Variants in TXNL1 observed in about 807,000 individuals in gnomAD.
TXNL1 encodes the protein thioredoxin like 1.
A neutral mutation model predicts 35.5 loss-of-function variants in TXNL1; 14 were observed. The ratio of observed to expected loss-of-function variants is 0.39; its 90% confidence interval spans 0.26 to 0.62. The LOEUF is 0.62. Among genes scored for constraint, TXNL1 ranks in the 20% least tolerant of loss-of-function variants. The pLI is 0.47. For synonymous variants in TXNL1, 110 were observed against 115.5 expected, an observed-to-expected ratio of 0.95 and a Z score of 0.31; for missense variants, 263 against 349.7, an observed-to-expected ratio of 0.75 and a Z score of 1.98.
chr18:56,604,595 T>A (rs1461114682), intron 7 of TXNL1: 1 of 152,180 alleles, frequency 6.6e-6, no homozygotes, highest in Admixed American at 6.5e-5. Context: ...TTTAGGTACA[T>A]AAAAATTAGG....
At chr18:56,616,165 A>G (rs1025927990) in intron 5 of TXNL1, 80 bp downstream of exon 5, 6 of 1,277,898 alleles carry the variant, frequency 4.7e-6, no homozygotes, top group South Asian at 1.4e-5. Context: ...AAGTACCTCT[A>G]TTTAATAAAA....
At position 56,600,965 on chromosome 18, in the gene TXNL1, C is replaced by CTATG. The variant is rs1195972846; in HGVS notation, c.*2058_*2061dup. 3 of 152,114 alleles carry CTATG rather than the reference C, an allele frequency of 2.0e-5. No individual in the cohort carries two copies. Among genetic ancestry groups the CTATG allele is most frequent in the African/African-American group, 7.2e-5 (3 of 41,440 alleles). The allele number at this position is 152,114 out of a possible 1,614,324, so 9.4% of individuals were successfully genotyped here. A position where few individuals can be genotyped will look rare whatever the true frequency, so the allele number is the denominator to read the frequency against. On this transcript the variant is annotated 3_prime_UTR_variant, in exon 8 of 8. Coordinates refer to ENST00000217515, the MANE Select transcript of TXNL1 (RefSeq NM_004786.3). ...ACAGAGATCATGAAATTCTTTTTTGCTATGTCCGACAAAATGAACAAGAAA... is the reference window on the plus strand; with the variant it reads ...ACAGAGATCATGAAATTCTTTTTTGCTATGTATGTCCGACAAAATGAACAAGAAA...
chr18:56,618,180 G>A (rs676951), intron 3 of TXNL1, 54 bp from the exon 4 acceptor site: 180,122 of 1,548,890 alleles, frequency 0.12, 11,557 homozygotes, highest in Non-Finnish European at 0.13. Context: ...GTATAAAAAT[G>A]TTTAAAAAAT....
chr18:56,620,200 A>C (rs1325802658), intron 3 of TXNL1, among the ~76,000 whole-genome samples: 1 of 152,086 alleles, frequency 6.6e-6, no homozygotes, highest in Non-Finnish European at 1.5e-5. Context: ...TCCTGGCCTC[A>C]AGTGATCTAC....
At chr18:56,616,367 A>G in intron 4 of TXNL1, 53 bp from the exon 5 acceptor site, 1 of 1,466,200 alleles carries the variant, frequency 6.8e-7, no homozygotes, top group Non-Finnish European at 9.4e-7. Flanking sequence ...CCTTGAGTAC[A>G]TAAACTACTG....
At chr18:56,619,460 C>A (rs548280127) in intron 3 of TXNL1, among the ~76,000 whole-genome samples, 1 of 146,572 alleles carries the variant, frequency 6.8e-6, no homozygotes, top group South Asian at 2.2e-4. Flanking sequence ...ACTTCTTGAA[C>A]CTGGGAGGCG....
At chr18:56,634,112 C>A (rs2024420273) in intron 1 of TXNL1, among the ~76,000 whole-genome samples, 1 of 151,626 alleles carries the variant, frequency 6.6e-6, no homozygotes, top group Non-Finnish European at 1.5e-5. Flanking sequence ...TGGTACTACT[C>A]ATAACCACTA....
At chr18:56,619,500 TGCACTCCA>T (rs2024146213) in intron 3 of TXNL1, among the ~76,000 whole-genome samples, 1 of 131,162 alleles carries the variant, frequency 7.6e-6, no homozygotes, top group Non-Finnish European at 1.5e-5. Flanking sequence ...ATCACACCAC[TGCACTCCA>T]GCCTGGGGAC....
At chr18:56,610,942 C>A in intron 7 of TXNL1, 51 bp downstream of exon 7, 1 of 1,168,122 alleles carries the variant, frequency 8.6e-7, no homozygotes. Flanking sequence ...TGAAATTATT[C>A]CATTAAAATT....
At chr18:56,617,972 T>C (rs1215897228) in intron 4 of TXNL1, 32 bp downstream of exon 4, 1 of 1,609,944 alleles carries the variant, frequency 6.2e-7, no homozygotes, top group Non-Finnish European at 8.5e-7. Context: ...ATAGTGATAA[T>C]CTCCACAAGC....
At chr18:56,635,740 T>A (rs1267300308) in intron 1 of TXNL1, among the ~76,000 whole-genome samples, 1 of 152,176 alleles carries the variant, frequency 6.6e-6, no homozygotes, top group Non-Finnish European at 1.5e-5. Context: ...TGGCACAACA[T>A]TGTGACTGTA....
chr18:56,637,872 G>C (rs984438145), intron 1 of TXNL1, among the ~76,000 whole-genome samples: 1 of 152,230 alleles, frequency 6.6e-6, no homozygotes, highest in Admixed American at 6.5e-5. Context: ...ATATTAGTTA[G>C]ATCGCCCCAT....
At chr18:56,638,246 C>A in intron 1 of TXNL1, 97 bp downstream of exon 1, 1 of 1,321,604 alleles carries the variant, frequency 7.6e-7, no homozygotes, top group Non-Finnish European at 1.0e-6. Flanking sequence ...CCGGACACTC[C>A]GGGGCAGCAG....
chr18:56,626,878 C>T (rs1333809773), intron 1 of TXNL1, among the ~76,000 whole-genome samples: 1 of 132,074 alleles, frequency 7.6e-6, no homozygotes, highest in Non-Finnish European at 1.6e-5. Context: ...GATCATGGCT[C>T]ACTGCAGTCC....
At chr18:56,630,051 T>C (rs1229141217) in intron 1 of TXNL1, among the ~76,000 whole-genome samples, 3 of 151,974 alleles carry the variant, frequency 2.0e-5, no homozygotes, top group African/African-American at 4.8e-5. Context: ...GTACAAAAAT[T>C]AGCCAGGCGT....
chr18:56,624,498 T>C (rs1481424087), intron 2 of TXNL1, 37 bp from the exon 3 acceptor site: 1 of 1,573,892 alleles, frequency 6.4e-7, no homozygotes, highest in Non-Finnish European at 8.7e-7. Flanking sequence ...ATGAATTAAA[T>C]CTTAAACCAC....
chr18:56,611,321 A>G (rs1412070150), intron 6 of TXNL1, among the ~76,000 whole-genome samples: 2 of 151,854 alleles, frequency 1.3e-5, no homozygotes, highest in Admixed American at 1.3e-4. Flanking sequence ...CCACCGTGGC[A>G]AAACCCCATC....
intron 5 of TXNL1, 65 bp from the exon 6 acceptor site, chr18:56,614,661 C>T: frequency 6.9e-6 from 9 of 1,295,196 alleles, no homozygotes; most frequent in Non-Finnish European, 9.5e-6. Flanking sequence ...CCCTTTACCA[C>T]TACACTCACA....
At chr18:56,608,588 T>TA (rs1222624485) in intron 7 of TXNL1, 2 of 152,224 alleles carry the variant, frequency 1.3e-5, no homozygotes, top group African/African-American at 4.8e-5. Context: ...AGGTCAACAC[T>TA]ATTTTCATAA....
Sources: gnomAD v4.1 joint callset for allele counts (sites outside exome capture counted in the v4.1 genomes callset) on GRCh38, gnomAD v4.1.1 for gene constraint, MANE v1.5 for transcripts, NCBI Gene and HGNC (gene_info 2026-07-23, HGNC 2026-07-21) for gene names.